NIPAL3: variants seen among roughly 807,000 people sequenced by gnomAD.
NIPAL3 encodes the protein NIPA like domain containing 3.
In NIPAL3, 41 loss-of-function variants were observed where a neutral mutation model predicts 47.2. The ratio of observed to expected loss-of-function variants is 0.87; its 90% confidence interval spans 0.68 to 1.13. The LOEUF is 1.13. Among genes scored for constraint, NIPAL3 ranks in the 50% most tolerant of loss-of-function variants. The pLI, the probability that NIPAL3 is intolerant of heterozygous loss-of-function variation, is 0.00. For missense variants in NIPAL3, 449 were observed against 530.1 expected (o/e 0.85, Z 1.50); for synonymous variants, 194 against 209.6 (o/e 0.93, Z 0.64).
intron 2 of NIPAL3, among the ~76,000 whole-genome samples, chr1:24,438,767 G>T (rs74060351): frequency 6.6e-6 from 1 of 152,364 alleles, no homozygotes; most frequent in African/African-American, 2.4e-5. Flanking sequence ...GGAACCAGGC[G>T]GGGTTGGGAA....
chr1:24,454,632 TAG>T lies in NIPAL3; in HGVS notation c.637+1131_637+1132del. 1.2e-6 allele frequency: 1 copy of T among 813,568 alleles called. No individual in the cohort carries two copies. Among genetic ancestry groups the T allele is most frequent in the Non-Finnish European group, 1.5e-6 (1 of 673,238 alleles). 50.4% of individuals were successfully genotyped at this position (813,568 alleles called of 1,614,324 possible). On this transcript the variant is annotated intron_variant, in intron 7 of 11. Coordinates refer to ENST00000374399, the MANE Select transcript of NIPAL3 (RefSeq NM_020448.5). This position sits in a 1 kb window ranked among gnomAD's most constrained non-coding sequence, Gnocchi z 4.1. The stretch of plus-strand genomic sequence containing the variant: ...CAATTCAGTGGTTTTTAGTATTTCA[TAG>T]AGTTGTGAAACCATCATCCTAATCT...
intron 6 of NIPAL3, 56 bp from the exon 7 acceptor site, chr1:24,453,352 C>A: frequency 7.8e-7 from 1 of 1,287,642 alleles, no homozygotes; most frequent in Non-Finnish European, 1.1e-6. Flanking sequence ...CAGGGTCTCC[C>A]GGTCTCGCCT....
intron 2 of NIPAL3, among the ~76,000 whole-genome samples, chr1:24,437,045 A>T (rs1645148697): frequency 6.6e-6 from 1 of 151,998 alleles, no homozygotes; most frequent in Non-Finnish European, 1.5e-5. Flanking sequence ...AGGTCAGGAG[A>T]TTGAGACCAT....
intron 11 of NIPAL3, chr1:24,466,379 T>A (rs1030235498): frequency 4.7e-6 from 1 of 214,642 alleles, no homozygotes; most frequent in Non-Finnish European, 9.2e-6. Flanking sequence ...AGACAAAAAA[T>A]GGACATTGTC....
Position 24,449,414 on chromosome 1 carries a change from T to G in NIPAL3, c.395-67T>G. The G allele has an allele frequency of 1.4e-5, 22 of 1,526,446 alleles. No individual in the cohort carries two copies. Among genetic ancestry groups the G allele is most frequent in the Non-Finnish European group, 1.7e-5 (19 of 1,121,250 alleles). The allele number at this position is 1,526,446 out of a possible 1,614,324, so 94.6% of individuals were successfully genotyped here. ...CAGGAGAAGCCTGTTTTTTCATGGC[T>G]GAGAACGTGTACTGTATCTTGGGCC... On this transcript the variant is annotated intron_variant, in intron 5 of 11. Transcript: ENST00000374399. This position sits in a 1 kb window ranked among gnomAD's most constrained non-coding sequence, Gnocchi z 4.5.
At chr1:24,446,299 T>G (rs953404079) in intron 5 of NIPAL3, among the ~76,000 whole-genome samples, 2 of 152,110 alleles carry the variant, frequency 1.3e-5, no homozygotes, top group Non-Finnish European at 2.9e-5. Flanking sequence ...GGGGTACATG[T>G]GCAGGATGTG....
intron 11 of NIPAL3, chr1:24,464,798 C>T (rs1396775000): frequency 6.6e-6 from 1 of 152,208 alleles, no homozygotes; most frequent in East Asian, 1.9e-4. Context: ...CTTAACTCAA[C>T]ATTTTAATTT....
intron 10 of NIPAL3, 61 bp from the exon 11 acceptor site, chr1:24,463,963 AGT>A: frequency 3.6e-6 from 5 of 1,396,980 alleles, no homozygotes; most frequent in Non-Finnish European, 5.0e-6. Context: ...TGAGCCTGAA[AGT>A]GTGCCTGCCC....
intron 2 of NIPAL3, among the ~76,000 whole-genome samples, chr1:24,432,194 A>G (rs1484314540): frequency 2.0e-5 from 3 of 151,966 alleles, no homozygotes; most frequent in Non-Finnish European, 2.9e-5. Context: ...CAATGGCACA[A>G]CCTCGGCTCA....
At chr1:24,436,773 A>G (rs2148794708) in intron 2 of NIPAL3, among the ~76,000 whole-genome samples, 1 of 151,896 alleles carries the variant, frequency 6.6e-6, no homozygotes, top group East Asian at 2.0e-4. Context: ...TGCTGGGATT[A>G]CAGGCGTGAG....
intron 2 of NIPAL3, among the ~76,000 whole-genome samples, chr1:24,427,044 C>T (rs1012522982): frequency 6.6e-6 from 1 of 152,162 alleles, no homozygotes; most frequent in African/African-American, 2.4e-5. Context: ...CCTAAAATAA[C>T]CCCAGTGAAG....
At chr1:24,463,719 C>T (rs1646575041) in intron 10 of NIPAL3, among the ~76,000 whole-genome samples, 1 of 152,094 alleles carries the variant, frequency 6.6e-6, no homozygotes, top group Non-Finnish European at 1.5e-5. Flanking sequence ...GGCAAGCTTC[C>T]GAGAATCCTG....
chr1:24,460,985 T>G (rs528829600), intron 10 of NIPAL3, among the ~76,000 whole-genome samples: 2 of 152,342 alleles, frequency 1.3e-5, no homozygotes, highest in Non-Finnish European at 2.9e-5. Flanking sequence ...AAGCATACTT[T>G]TTGATACAGT....
At chr1:24,464,187 A>G (rs1462664844) in intron 11 of NIPAL3, 67 bp downstream of exon 11, 3 of 1,228,696 alleles carry the variant, frequency 2.4e-6, no homozygotes. Flanking sequence ...CCTGTTTAAA[A>G]AGAGACAACC....
Position 24,440,217 on chromosome 1 carries a change from G to A in NIPAL3, c.139G>A (p.Val47Ile), listed in dbSNP as rs773025126. ...ALLAIFGHLV[V>I]SIALNLQKYC... ...CTTGGCGATCTTCGGGCACCTCGTG[G>A]TCAGCATTGCACTTAACCTCCAGGT... The change falls in exon 3 of 12, where the codon GTC (valine) becomes ATC (isoleucine). Residue 47 changes from valine (V) to isoleucine (I), a missense_variant. Transcript: ENST00000374399. 9.4e-6 allele frequency: 15 copies of A among 1,597,792 alleles called. No individual in the cohort carries two copies. The highest frequency in any genetic ancestry group is 1.2e-5 in the Non-Finnish European group (14 of 1,172,696).
At chr1:24,458,382 G>C (rs1306844316) in intron 8 of NIPAL3, among the ~76,000 whole-genome samples, 1 of 152,244 alleles carries the variant, frequency 6.6e-6, no homozygotes, top group African/African-American at 2.4e-5. Context: ...ATCATAGATG[G>C]AGTGATTAGG....
intron 2 of NIPAL3, among the ~76,000 whole-genome samples, chr1:24,429,542 A>T (rs1216407571): frequency 6.6e-6 from 1 of 152,122 alleles, no homozygotes; most frequent in Non-Finnish European, 1.5e-5. Context: ...TATTTCCCTC[A>T]CAGAATTTTA....
At chr1:24,430,898 T>C (rs183249421) in intron 2 of NIPAL3, among the ~76,000 whole-genome samples, 92 of 152,404 alleles carry the variant, frequency 6.0e-4, no homozygotes, top group African/African-American at 2.1e-3. Context: ...TATTATGTAG[T>C]ATAATGTATA....
At position 24,470,793 on chromosome 1, in the gene NIPAL3, T is replaced by C. The variant is rs1234816253; in HGVS notation, c.*1608T>C. On this transcript the variant is annotated 3_prime_UTR_variant, in exon 12 of 12. Coordinates refer to ENST00000374399, the MANE Select transcript of NIPAL3 (RefSeq NM_020448.5). ...ATCTGTTGTCTGTGATAACCACTTC[T>C]GTATTGCGTCTTAACCACTTCTGTA... The C allele has an allele frequency of 6.6e-6, 1 of 152,256 alleles. No homozygotes were observed. The highest frequency in any genetic ancestry group is 1.5e-5 in the Non-Finnish European group (1 of 68,042). The allele number at this position is 152,256 out of a possible 1,614,324, so 9.4% of individuals were successfully genotyped here.
Sources: gnomAD v4.1 joint callset for allele counts (sites outside exome capture counted in the v4.1 genomes callset) on GRCh38, gnomAD v4.1.1 for gene constraint, Gnocchi (gnomAD v3.1) non-coding constraint, MANE v1.5 for transcripts, NCBI Gene and HGNC (gene_info 2026-07-23, HGNC 2026-07-21) for gene names.